The following LRP1B variants were observed in gnomAD, a reference collection of about 807,000 sequenced individuals.
The protein encoded by LRP1B is low-density lipoprotein receptor-related protein 1B.
In LRP1B, 217 loss-of-function variants were observed where a neutral mutation model predicts 556.6. The observed-to-expected ratio is 0.39, with a 90% confidence interval of 0.35 to 0.44. The LOEUF (loss-of-function observed/expected upper bound fraction) is 0.44, where lower values mean the gene tolerates loss of function less well. LRP1B is among the 20% of genes least tolerant of loss of function. The pLI, the probability that LRP1B is intolerant of heterozygous loss-of-function variation, is 1.00. For synonymous variants in LRP1B, 2,047 were observed against 1,865.8 expected, an observed-to-expected ratio of 1.10 and a Z score of -2.50; for missense variants, 5,053 against 5,620.8, an observed-to-expected ratio of 0.90 and a Z score of 3.23.
chr2:140,514,802 A>AT lies in LRP1B; in HGVS notation c.8150-31dup, dbSNP rs775298668. 5 of 1,589,370 alleles carry AT rather than the reference A, an allele frequency of 3.1e-6. No homozygotes were observed. In the African/African-American group the frequency reaches 6.8e-5, roughly 22 times the overall value. ...GAAACAAACAAAAGGAAAAAAAAAA[A>AT]TAGTTTGAGACCGTCTTACAACAGA... is the stretch of plus-strand genomic sequence containing the variant. On this transcript the variant is annotated intron_variant, in intron 50 of 90. Transcript: ENST00000389484.
chr2:141,042,827 G>A (rs1281866299), intron 11 of LRP1B, among the ~76,000 whole-genome samples: 3 of 151,908 alleles, frequency 2.0e-5, no homozygotes, highest in Non-Finnish European at 4.4e-5. Context: ...GATACATCTA[G>A]AGGACATAAT....
intron 1 of LRP1B, among the ~76,000 whole-genome samples, chr2:141,868,278 A>T (rs1002582797): frequency 6.6e-6 from 1 of 152,002 alleles, no homozygotes; most frequent in Admixed American, 6.6e-5. Flanking sequence ...TGCCCCGGTG[A>T]GAAGCAACTG....
chr2:140,675,968 GA>G (rs34468741), intron 41 of LRP1B, among the ~76,000 whole-genome samples: 1 of 151,690 alleles, frequency 6.6e-6, no homozygotes, highest in African/African-American at 2.4e-5. Flanking sequence ...ATTGATGCAA[GA>G]AAAAAAATAC....
intron 35 of LRP1B, among the ~76,000 whole-genome samples, chr2:140,737,401 C>G (rs1295098334): frequency 2.6e-5 from 4 of 152,158 alleles, no homozygotes; most frequent in Non-Finnish European, 5.9e-5. Flanking sequence ...CCCTATATTA[C>G]AGGGAGACAG....
At position 140,350,894 on chromosome 2, in the gene LRP1B, C is replaced by T. The variant is rs765298928; in HGVS notation, c.11795G>A (p.Arg3932Lys). 3 of 1,610,596 alleles carry T rather than the reference C, an allele frequency of 1.9e-6. No individual in the cohort carries two copies. The highest frequency in any genetic ancestry group is 2.5e-6 in the Non-Finnish European group (3 of 1,177,542). Residue 3932 changes from arginine to lysine, a missense_variant, in exon 77 of 91, where the codon AGA (arginine) becomes AAA (lysine). Physicochemically the swap from Arg to Lys is conservative, Grantham distance 26. This residue lies in a region of LRP1B where 599 missense variants were observed against 648.4 expected (regional missense o/e 0.92). Transcript: ENST00000389484. ...RITGMDVYYQ[R>K]DMIIWSTQFN... is the part of the protein sequence containing the mutation. ...CTGAGTACTCCAAATAATCATATCT[C>T]TTTGATAATATACATCCATCCCTGT... is the stretch of plus-strand genomic sequence containing the variant.
chr2:140,292,757 C>T (rs528996921), intron 84 of LRP1B, among the ~76,000 whole-genome samples: 44 of 152,128 alleles, frequency 2.9e-4, no homozygotes, highest in African/African-American at 9.2e-4. Context: ...TTCTTAATGC[C>T]GAACATAGTG....
At chr2:141,941,435 A>T (rs1242897578) in intron 1 of LRP1B, among the ~76,000 whole-genome samples, 1 of 152,184 alleles carries the variant, frequency 6.6e-6, no homozygotes, top group Non-Finnish European at 1.5e-5. Flanking sequence ...ACTGTAATAG[A>T]TGCTTACAGC....
chr2:140,870,252 A>G (rs12691575), intron 25 of LRP1B, among the ~76,000 whole-genome samples: 109,471 of 151,976 alleles, frequency 0.72, 41,207 homozygotes, highest in Non-Finnish European at 0.84. Context: ...ATGTTTGTTG[A>G]CTGTGAGGTT....
intron 74 of LRP1B, among the ~76,000 whole-genome samples, chr2:140,357,572 G>A (rs1682284885): frequency 6.6e-6 from 1 of 151,086 alleles, no homozygotes; most frequent in African/African-American, 2.4e-5. Flanking sequence ...CACATCTTCT[G>A]TAAGAATGAC....
At chr2:140,718,425 G>A (rs1271387862) in intron 35 of LRP1B, among the ~76,000 whole-genome samples, 3 of 151,658 alleles carry the variant, frequency 2.0e-5, no homozygotes, top group South Asian at 4.2e-4. Context: ...ATCCAACCAC[G>A]TCATACTGTC....
At chr2:141,835,858 T>C (rs1455602702) in intron 1 of LRP1B, among the ~76,000 whole-genome samples, 4 of 151,402 alleles carry the variant, frequency 2.6e-5, no homozygotes, top group Admixed American at 1.3e-4. Context: ...TCATAACATA[T>C]ATAATATGAA....
intron 68 of LRP1B, among the ~76,000 whole-genome samples, chr2:140,377,125 G>A (rs1254232400): frequency 6.6e-6 from 1 of 152,124 alleles, no homozygotes; most frequent in Non-Finnish European, 1.5e-5. Flanking sequence ...CGCCATGCTG[G>A]AGTGCAGTGG....
chr2:141,621,093 A>G (rs1368746203), intron 2 of LRP1B, among the ~76,000 whole-genome samples: 1 of 152,200 alleles, frequency 6.6e-6, no homozygotes, highest in African/African-American at 2.4e-5. Context: ...GATTGTCTCT[A>G]TAGTCAGTAA....
intron 11 of LRP1B, among the ~76,000 whole-genome samples, chr2:141,029,975 T>C (rs1698320365): frequency 6.6e-6 from 1 of 152,120 alleles, no homozygotes; most frequent in Non-Finnish European, 1.5e-5. Context: ...CTAGATAATA[T>C]CAAATGTCCC....
rs1694308635 is a variant in LRP1B at position 140,908,121 on chromosome 2, G to A, written c.3320-44C>T. Reference sequence around the variant, plus strand: ...GTGTCAGTTTGATTTTTGTGATTAGGTCATTATGATAATGAGTGGCCATTA... The same window carrying A: ...GTGTCAGTTTGATTTTTGTGATTAGATCATTATGATAATGAGTGGCCATTA... On this transcript the variant is annotated intron_variant, in intron 21 of 90. Coordinates refer to ENST00000389484, the MANE Select transcript of LRP1B (RefSeq NM_018557.3). The A allele has an allele frequency of 3.3e-6, 5 of 1,509,906 alleles. No individual in the cohort carries two copies. In the Middle Eastern group the frequency reaches 5.3e-4, roughly 159 times the overall value. 93.5% of individuals were successfully genotyped at this position (1,509,906 alleles called of 1,614,324 possible).
chr2:140,502,614 G>C (rs1052816806), intron 54 of LRP1B, among the ~76,000 whole-genome samples: 1 of 151,966 alleles, frequency 6.6e-6, no homozygotes, highest in East Asian at 1.9e-4. Context: ...CTACTTCACA[G>C]TAAATTTTAA....
chr2:140,719,350 A>T (rs1687321615), intron 35 of LRP1B, among the ~76,000 whole-genome samples: 1 of 152,060 alleles, frequency 6.6e-6, no homozygotes, highest in African/African-American at 2.4e-5. Flanking sequence ...AGCAACATGT[A>T]AGCCATACAG....
intron 3 of LRP1B, among the ~76,000 whole-genome samples, chr2:141,324,068 G>A (rs1389403307): frequency 3.4e-5 from 3 of 88,180 alleles, no homozygotes; most frequent in African/African-American, 4.7e-5. Flanking sequence ...ACCTGAACAA[G>A]GAAACCACAC....
intron 1 of LRP1B, among the ~76,000 whole-genome samples, chr2:141,903,018 T>G (rs570475039): frequency 1.1e-4 from 17 of 152,094 alleles, no homozygotes; most frequent in Middle Eastern, 3.4e-3. Flanking sequence ...CCTTCTTGCA[T>G]GCATCTGCTG....
Sources: allele counts gnomAD v4.1 joint callset (sites outside exome capture counted in the v4.1 genomes callset), GRCh38; gene constraint gnomAD v4.1.1; regional missense constraint gnomAD v4.1.1; transcripts MANE v1.5; gene names NCBI Gene and HGNC (gene_info 2026-07-23, HGNC 2026-07-21).